Variants in RAB3GAP1 observed in about 807,000 individuals in gnomAD.
The protein encoded by RAB3GAP1 is rab3 GTPase-activating protein catalytic subunit.
RAB3GAP1 carries 86 observed loss-of-function variants against 130.7 expected under a neutral mutation model. The observed-to-expected ratio is 0.66, with a 90% CI of 0.55 to 0.79. The LOEUF is 0.79. Ranked by LOEUF, RAB3GAP1 falls within the 30% of genes least tolerant of loss-of-function variation. RAB3GAP1 has a pLI of 0.00. For missense variants in RAB3GAP1, 1,029 were observed against 1,169.4 expected (o/e 0.88, Z 1.75); for synonymous variants, 367 against 401.7 (o/e 0.91, Z 1.03).
At chr2:135,093,216 A>T (rs73959259) in intron 4 of RAB3GAP1, among the ~76,000 whole-genome samples, 1 of 152,110 alleles carries the variant, frequency 6.6e-6, no homozygotes, top group Non-Finnish European at 1.5e-5. Flanking sequence ...AACATTTAAG[A>T]TGGACAGGGG....
rs143543710 is a variant in RAB3GAP1, at chr2:135,127,881, A to G, written c.973+1225A>G. On this transcript the variant is annotated intron_variant, in intron 11 of 23. Coordinates refer to ENST00000264158, the MANE Select transcript of RAB3GAP1 (RefSeq NM_012233.3). ...CGTCCCCTTCCCTTTTTTTAGGTGT[A>G]TCTCTTCCATGAAGTCTTTTGAACC... is the stretch of plus-strand genomic sequence containing the variant. Among the ~76,000 whole-genome samples the G allele has an allele frequency of 6.1e-3, 933 of 152,176 alleles. 6 individuals carry two copies. Among genetic ancestry groups the G allele is most frequent in the African/African-American group, 0.021 (872 of 41,524 alleles).
At chr2:135,113,914 T>A (rs903598276) in intron 6 of RAB3GAP1, among the ~76,000 whole-genome samples, 1 of 152,080 alleles carries the variant, frequency 6.6e-6, no homozygotes, top group Non-Finnish European at 1.5e-5. Context: ...TTTTTATTTT[T>A]ATTTTTTAAA....
chr2:135,169,558 C>CG lies in RAB3GAP1; in HGVS notation c.*778dup. ...TCCCCTTCTCTTGCTGTACAGCATGCGTTCTCTTTTTGTGGTTGCTGGCTG... is the reference window on the plus strand; with the variant it reads ...TCCCCTTCTCTTGCTGTACAGCATGCGGTTCTCTTTTTGTGGTTGCTGGCTG... On this transcript the variant is annotated 3_prime_UTR_variant, in exon 24 of 24. Transcript: ENST00000264158. The CG allele has an allele frequency of 1.6e-5, 4 of 246,498 alleles. No homozygotes were observed. In the South Asian group the frequency reaches 1.8e-4, roughly 11 times the overall value. 15.3% of individuals were successfully genotyped at this position (246,498 alleles called of 1,614,324 possible).
At chr2:135,070,822 G>A in intron 3 of RAB3GAP1, among the ~76,000 whole-genome samples, 1 of 152,004 alleles carries the variant, frequency 6.6e-6, no homozygotes, top group African/African-American at 2.4e-5. Flanking sequence ...CAGAGTCTTG[G>A]GTCTCTTTAA....
At position 135,153,780 on chromosome 2, in the gene RAB3GAP1, T is replaced by G. The variant is rs905530518; in HGVS notation, c.2193T>G (p.Ile731Met). 8 of 1,613,916 alleles carry G rather than the reference T, an allele frequency of 5.0e-6. No homozygotes were observed. The highest frequency in any genetic ancestry group is 5.9e-6 in the Non-Finnish European group (7 of 1,179,932). The change falls in exon 19 of 24, where the codon ATT becomes ATG. Residue 731 changes from isoleucine to methionine, a missense_variant. Around this residue, in one of 3 missense-constraint regions of RAB3GAP1, gnomAD observed 373 missense variants for 493.6 expected, o/e 0.76. Coordinates refer to ENST00000264158, the MANE Select transcript of RAB3GAP1 (RefSeq NM_012233.3). ...LKGELSARMK[I>M]PSNMWVEAWE... ...GAGAACTGAGTGCCCGGATGAAGAT[T>G]CCAAGCAATATGTGGGTAGAAGCCT...
intron 15 of RAB3GAP1, 115 bp downstream of exon 15, chr2:135,134,148 G>A: frequency 8.6e-7 from 1 of 1,167,986 alleles, no homozygotes; most frequent in Non-Finnish European, 1.2e-6. Flanking sequence ...GTGGCAAGAA[G>A]CTTAGACATG....
intron 19 of RAB3GAP1, among the ~76,000 whole-genome samples, chr2:135,158,003 G>A (rs1692362464): frequency 6.6e-6 from 1 of 152,076 alleles, no homozygotes; most frequent in South Asian, 2.1e-4. Context: ...TCTTACTGTG[G>A]AAGTGAGATG....
chr2:135,157,431 C>T lies in RAB3GAP1; in HGVS notation c.2289+3555C>T, dbSNP rs74619831. ...TTTTAAATGAGTAACATAACCACAC[C>T]GACGGGGATTGGTGAAGGGAGGATG... On this transcript the variant is annotated intron_variant, in intron 19 of 23. Coordinates refer to ENST00000264158, the MANE Select transcript of RAB3GAP1 (RefSeq NM_012233.3). Among the ~76,000 whole-genome samples the T allele has an allele frequency of 7.1e-3, 1,085 of 152,194 alleles. 12 individuals are homozygous for T. Among genetic ancestry groups the T allele is most frequent in the African/African-American group, 0.024 (1,016 of 41,506 alleles).
chr2:135,123,881 CTT>C (rs1378927565), intron 8 of RAB3GAP1, among the ~76,000 whole-genome samples: 1 of 152,098 alleles, frequency 6.6e-6, no homozygotes, highest in Non-Finnish European at 1.5e-5. Flanking sequence ...ATAATATTCT[CTT>C]GAGTAATATT....
At chr2:135,162,880 C>T in intron 21 of RAB3GAP1, 29 bp downstream of exon 21, 5 of 1,590,622 alleles carry the variant, frequency 3.1e-6, no homozygotes, top group Non-Finnish European at 4.3e-6. Flanking sequence ...CAGAATCTTG[C>T]CAAGTGTTCT....
chr2:135,071,228 T>C (rs1689464114), intron 3 of RAB3GAP1, among the ~76,000 whole-genome samples: 1 of 152,202 alleles, frequency 6.6e-6, no homozygotes, highest in South Asian at 2.1e-4. Flanking sequence ...TTACTGGCCC[T>C]TAAATGCTCC....
chr2:135,113,377 A>T, intron 6 of RAB3GAP1, 107 bp downstream of exon 6: 2 of 1,410,258 alleles, frequency 1.4e-6, no homozygotes, highest in Non-Finnish European at 2.0e-6. Flanking sequence ...TTAGGAACTT[A>T]GTGCATATAT....
intron 7 of RAB3GAP1, among the ~76,000 whole-genome samples, chr2:135,117,483 GCTTCTT>G (rs1367442367): frequency 1.4e-4 from 4 of 27,834 alleles, no homozygotes; most frequent in African/African-American, 3.5e-4. Flanking sequence ...TGCTTCTTCT[GCTTCTT>G]CTTCTGCTTC....
rs753289432 is a variant in RAB3GAP1 at position 135,163,051 on chromosome 2, G to A, written c.2556G>A (p.Lys852=). ...CCAGAGCTCGGTCACTAAAAGCCAA[G>A]TTTGGAACTGAGAAATGTGAACAGG... is the stretch of plus-strand genomic sequence containing the variant. The part of the protein sequence containing the change: ...LIARARSLKA[K]FGTEKCEQEE... Residue 852 remains lysine (K), a synonymous_variant, in exon 22 of 24, where the codon AAG becomes AAA. Coordinates refer to ENST00000264158, the MANE Select transcript of RAB3GAP1 (RefSeq NM_012233.3). The A allele has an allele frequency of 2.5e-6, 4 of 1,613,916 alleles. No individual in the cohort carries two copies. In the African/African-American group the frequency reaches 4.0e-5, roughly 16 times the overall value.
intron 19 of RAB3GAP1, among the ~76,000 whole-genome samples, chr2:135,161,582 A>C (rs1344886782): frequency 6.6e-6 from 1 of 152,302 alleles, no homozygotes; most frequent in East Asian, 1.9e-4. Context: ...AAGCCTGGTA[A>C]CATTCTGTTT....
intron 5 of RAB3GAP1, among the ~76,000 whole-genome samples, chr2:135,112,834 T>TCTCACACACACA (rs952841554): frequency 1.5e-5 from 2 of 132,470 alleles, no homozygotes; most frequent in Admixed American, 7.3e-5. Context: ...TCTCTCTCTC[T>TCTCACACACACA]CACACACACA....
chr2:135,110,317 T>C (rs191269226), intron 5 of RAB3GAP1, among the ~76,000 whole-genome samples: 1 of 152,180 alleles, frequency 6.6e-6, no homozygotes, highest in African/African-American at 2.4e-5. Flanking sequence ...CAATTTTTTG[T>C]AGAGAGTGGG....
rs1259364189 is a variant in RAB3GAP1, at chr2:135,169,956, C to T, written c.*1175C>T. 3.0e-5 allele frequency: 8 copies of T among 262,910 alleles called. No homozygotes were observed. The highest frequency in any genetic ancestry group is 6.0e-5 in the Non-Finnish European group (8 of 133,994). 16.3% of individuals were successfully genotyped at this position (262,910 alleles called of 1,614,324 possible). ...ATTTTAAAAAATTAATAGAGCTGTGCAAACCCTGTTATTTTTGTAAAAAAA... is the reference window on the plus strand; with the variant it reads ...ATTTTAAAAAATTAATAGAGCTGTGTAAACCCTGTTATTTTTGTAAAAAAA... On this transcript the variant is annotated 3_prime_UTR_variant, in exon 24 of 24. Transcript: ENST00000264158.
intron 3 of RAB3GAP1, among the ~76,000 whole-genome samples, chr2:135,088,122 C>T (rs1004155252): frequency 1.3e-5 from 2 of 152,090 alleles, no homozygotes; most frequent in African/African-American, 2.4e-5. Context: ...ACAATAGTAC[C>T]GGAATCCAGA....
Sources: gnomAD v4.1 joint callset for allele counts (sites outside exome capture counted in the v4.1 genomes callset) on GRCh38, gnomAD v4.1.1 for gene constraint, gnomAD v4.1.1 regional missense constraint, MANE v1.5 for transcripts, NCBI Gene and HGNC (gene_info 2026-07-23, HGNC 2026-07-21) for gene names.